Variants in QTMAN observed in about 807,000 individuals in gnomAD.
The protein encoded by QTMAN is queuosine-tRNA mannosyltransferase, also known as tRNA-queuosine alpha-mannosyltransferase.
chr2:144,111,567 G>A, the QTMAN span, among the ~76,000 whole-genome samples: 1 of 152,154 alleles, frequency 6.6e-6, no homozygotes, highest in South Asian at 2.1e-4. Flanking sequence ...ACACTTGGAA[G>A]CCTTATAACT....
At chr2:144,199,442 A>G in the QTMAN span, among the ~76,000 whole-genome samples, 3 of 152,192 alleles carry the variant, frequency 2.0e-5, no homozygotes, top group African/African-American at 7.2e-5. Flanking sequence ...TAGTATACAT[A>G]CATGTCCTAT....
chr2:144,142,191 A>G, the QTMAN span: 2 of 536,766 alleles, frequency 3.7e-6, no homozygotes. Context: ...ACTTCATATC[A>G]GTATCTACCA....
At chr2:144,212,166 C>T in the QTMAN span, among the ~76,000 whole-genome samples, 2 of 152,240 alleles carry the variant, frequency 1.3e-5, no homozygotes, top group East Asian at 1.9e-4. Flanking sequence ...AAACTGATCA[C>T]GAATACCAGA....
chr2:144,172,616 T>A, the QTMAN span, among the ~76,000 whole-genome samples: 2 of 107,134 alleles, frequency 1.9e-5, no homozygotes, highest in African/African-American at 4.1e-5. Context: ...AGAACAAGAC[T>A]CTGTCAAAAA....
the QTMAN span, among the ~76,000 whole-genome samples, chr2:144,331,305 G>C: frequency 6.6e-6 from 1 of 152,112 alleles, no homozygotes; most frequent in African/African-American, 2.4e-5. Context: ...GGTTAAACAC[G>C]TTAATAGAAG....
the QTMAN span, among the ~76,000 whole-genome samples, chr2:144,269,992 T>C: frequency 2.0e-5 from 3 of 152,182 alleles, no homozygotes; most frequent in African/African-American, 4.8e-5. Context: ...ATAGTTTAGA[T>C]GGGTTATTTT....
chr2:144,025,112 C>T, the QTMAN span, among the ~76,000 whole-genome samples: 1 of 152,152 alleles, frequency 6.6e-6, no homozygotes, highest in Non-Finnish European at 1.5e-5. Context: ...CACACCTCTG[C>T]AGGACTTGCT....
chr2:144,235,561 A>G, the QTMAN span: 1 of 152,596 alleles, frequency 6.6e-6, no homozygotes, highest in East Asian at 1.9e-4. Flanking sequence ...CTCTTTAGAA[A>G]TATCAATCAT....
At chr2:144,057,650 G>T in the QTMAN span, among the ~76,000 whole-genome samples, 1 of 152,002 alleles carries the variant, frequency 6.6e-6, no homozygotes, top group South Asian at 2.1e-4. Flanking sequence ...GATTTTTAAA[G>T]CTTTAATTAT....
the QTMAN span, among the ~76,000 whole-genome samples, chr2:144,218,915 TAAAAAAAAAAAA>T: frequency 1.5e-4 from 8 of 54,632 alleles, no homozygotes; most frequent in African/African-American, 3.4e-4. Context: ...GGAAAGTATC[TAAAAAAAAAAAA>T]AAAAAAAAAA....
At chr2:144,308,453 C>T in the QTMAN span, among the ~76,000 whole-genome samples, 1 of 152,036 alleles carries the variant, frequency 6.6e-6, no homozygotes, top group Non-Finnish European at 1.5e-5. Flanking sequence ...GCGTGAGCCA[C>T]CATGCCTGGC....
the QTMAN span, among the ~76,000 whole-genome samples, chr2:144,163,637 C>T: frequency 0.014 from 2,118 of 152,200 alleles, 51 homozygotes; most frequent in African/African-American, 0.047. Flanking sequence ...TTGTGGTGTG[C>T]GTGCAATGCA....
chr2:144,131,532 T>C, the QTMAN span, among the ~76,000 whole-genome samples: 1 of 151,976 alleles, frequency 6.6e-6, no homozygotes, highest in South Asian at 2.1e-4. Flanking sequence ...AGTGTAACAG[T>C]GGCTACCAAA....
At chr2:144,107,205 G>A in the QTMAN span, among the ~76,000 whole-genome samples, 1 of 152,066 alleles carries the variant, frequency 6.6e-6, no homozygotes, top group South Asian at 2.1e-4. Context: ...AACGAGAGAA[G>A]CAAGAGCAAA....
the QTMAN span, among the ~76,000 whole-genome samples, chr2:144,179,549 T>C: frequency 6.6e-6 from 1 of 152,158 alleles, no homozygotes; most frequent in Non-Finnish European, 1.5e-5. Flanking sequence ...AGTAGAAACA[T>C]GAACCATCCT....
chr2:144,184,135 T>A, the QTMAN span, among the ~76,000 whole-genome samples: 1 of 152,140 alleles, frequency 6.6e-6, no homozygotes, highest in South Asian at 2.1e-4. Context: ...TAGGAGTTTT[T>A]TATTATTTTT....
At chr2:143,999,067 G>A in the QTMAN span, among the ~76,000 whole-genome samples, 2 of 152,044 alleles carry the variant, frequency 1.3e-5, no homozygotes, top group South Asian at 2.1e-4. Flanking sequence ...CAGGCACTCT[G>A]GTTAGATGCA....
chr2:144,287,113 T>A, the QTMAN span, among the ~76,000 whole-genome samples: 1 of 152,164 alleles, frequency 6.6e-6, no homozygotes, highest in African/African-American at 2.4e-5. Context: ...ATATTAAAAG[T>A]TAGCCAAGGT....
chr2:143,991,909 T>TG, the QTMAN span, among the ~76,000 whole-genome samples: 1 of 106,974 alleles, frequency 9.3e-6, no homozygotes, highest in Non-Finnish European at 1.9e-5. Context: ...GGGAGGGAGG[T>TG]GGGGGGGTCA....
Sources: gnomAD v4.1 joint callset for allele counts (sites outside exome capture counted in the v4.1 genomes callset) on GRCh38, gnomAD v4.1.1 for gene constraint, MANE v1.5 for transcripts, NCBI Gene and HGNC (gene_info 2026-07-23, HGNC 2026-07-21) for gene names.